The following FHIT variants were observed in gnomAD, a reference collection of about 807,000 sequenced individuals.
FHIT encodes the protein bis(5'-adenosyl)-triphosphatase.
In FHIT, 19 loss-of-function variants were observed where a neutral mutation model predicts 17.9. That is an observed-to-expected ratio of 1.06 (90% CI 0.74 to 1.56). The LOEUF (loss-of-function observed/expected upper bound fraction) is 1.56. FHIT is among the 40% of genes most tolerant of loss of function. FHIT has a pLI of 0.00. For missense variants in FHIT, 248 were observed against 189.2 expected, an observed-to-expected ratio of 1.31 and a Z score of -1.82; for synonymous variants, 81 against 69.7, an observed-to-expected ratio of 1.16 and a Z score of -0.81.
intron 5 of FHIT, among the ~76,000 whole-genome samples, chr3:60,492,615 G>T (rs13087386): frequency 0.03 from 4,565 of 150,318 alleles, 103 homozygotes; most frequent in South Asian, 0.096. Context: ...CAAGCGATTC[G>T]CCTGCCTCAG....
intron 4 of FHIT, among the ~76,000 whole-genome samples, chr3:60,598,499 A>G (rs2038341677): frequency 6.6e-6 from 1 of 152,190 alleles, no homozygotes; most frequent in South Asian, 2.1e-4. Context: ...CCACTGGGCA[A>G]CAAAAATCAC....
intron 5 of FHIT, among the ~76,000 whole-genome samples, chr3:60,340,660 C>G (rs990077657): frequency 9.9e-5 from 15 of 152,116 alleles, no homozygotes; most frequent in African/African-American, 3.6e-4. Flanking sequence ...ATACAGTTGA[C>G]CCTTGAACAA....
chr3:59,809,442 T>C (rs1218671119), intron 8 of FHIT, among the ~76,000 whole-genome samples: 1 of 152,218 alleles, frequency 6.6e-6, no homozygotes, highest in Non-Finnish European at 1.5e-5. Flanking sequence ...CATCTTGAAC[T>C]GGGAGGGAAT....
At chr3:60,745,983 C>T (rs1180139137) in intron 4 of FHIT, among the ~76,000 whole-genome samples, 1 of 152,128 alleles carries the variant, frequency 6.6e-6, no homozygotes, top group Non-Finnish European at 1.5e-5. Context: ...AAAATGCTCA[C>T]CATTCAGCAT....
intron 3 of FHIT, among the ~76,000 whole-genome samples, chr3:60,964,702 G>C (rs1709628829): frequency 6.6e-6 from 1 of 152,160 alleles, no homozygotes; most frequent in Admixed American, 6.5e-5. Flanking sequence ...AGCTTAGTTT[G>C]GCTGGATATG....
At chr3:60,961,882 T>C (rs1220843263) in intron 3 of FHIT, among the ~76,000 whole-genome samples, 1 of 152,218 alleles carries the variant, frequency 6.6e-6, no homozygotes, top group African/African-American at 2.4e-5. Flanking sequence ...AGCTTTGTTC[T>C]TTTGGCTTAG....
intron 4 of FHIT, among the ~76,000 whole-genome samples, chr3:60,747,164 T>TGTGA (rs2042375152): frequency 6.6e-6 from 1 of 152,002 alleles, no homozygotes; most frequent in South Asian, 2.1e-4. Context: ...CCTCTGTGTA[T>TGTGA]GTGAGTATTC....
chr3:60,849,352 A>G (rs1553747576), intron 3 of FHIT, among the ~76,000 whole-genome samples: 2 of 151,434 alleles, frequency 1.3e-5, no homozygotes, highest in Non-Finnish European at 2.9e-5. Flanking sequence ...TTTCCATAGG[A>G]ACAGACTGAA....
At chr3:61,009,752 T>C (rs1300733719) in intron 3 of FHIT, among the ~76,000 whole-genome samples, 1 of 152,014 alleles carries the variant, frequency 6.6e-6, no homozygotes, top group Non-Finnish European at 1.5e-5. Flanking sequence ...GAAAAATACA[T>C]ATCCTGTCTG....
intron 5 of FHIT, among the ~76,000 whole-genome samples, chr3:60,042,856 G>A (rs545153050): frequency 6.6e-6 from 1 of 152,162 alleles, no homozygotes; most frequent in Admixed American, 6.6e-5. Context: ...AATGTCTAAT[G>A]CCCCAAAGTG....
At chr3:60,809,652 G>A (rs1490588341) in intron 4 of FHIT, among the ~76,000 whole-genome samples, 1 of 152,126 alleles carries the variant, frequency 6.6e-6, no homozygotes, top group South Asian at 2.1e-4. Flanking sequence ...CAGATTCCTG[G>A]GCCCTGACCC....
intron 2 of FHIT, among the ~76,000 whole-genome samples, chr3:61,095,931 C>G (rs1424419780): frequency 6.6e-6 from 1 of 152,146 alleles, no homozygotes; most frequent in Non-Finnish European, 1.5e-5. Context: ...GCTCACTTAA[C>G]CTTCTTCTAG....
intron 4 of FHIT, among the ~76,000 whole-genome samples, chr3:60,564,810 T>C (rs936828575): frequency 1.3e-5 from 2 of 152,150 alleles, no homozygotes; most frequent in African/African-American, 4.8e-5. Context: ...GTGAACATTG[T>C]CGAAATGACA....
In FHIT at chr3:60,036,539, T is replaced by C. The variant is rs1465056057; in HGVS notation, c.104-22387A>G. Among the ~76,000 whole-genome samples, 4 of 152,304 alleles carry C rather than the reference T, an allele frequency of 2.6e-5. No homozygotes were observed. In the East Asian group the frequency reaches 5.8e-4, roughly 22 times the overall value. ...ATACGTGGTAAGCAATAAAACTTTA[T>C]TTTTTCTTATTTATATCATAAAGAT... is the stretch of plus-strand genomic sequence containing the variant. On this transcript the variant is annotated intron_variant, in intron 5 of 9. Coordinates refer to ENST00000492590, the MANE Select transcript of FHIT (RefSeq NM_002012.4).
At chr3:60,090,157 G>T (rs752880830) in intron 5 of FHIT, among the ~76,000 whole-genome samples, 21 of 151,858 alleles carry the variant, frequency 1.4e-4, no homozygotes, top group African/African-American at 5.1e-4. Context: ...GTACATCAAT[G>T]GTCTACATGA....
intron 4 of FHIT, among the ~76,000 whole-genome samples, chr3:60,577,959 G>T (rs547911253): frequency 1.4e-4 from 22 of 152,216 alleles, no homozygotes; most frequent in African/African-American, 5.1e-4. Flanking sequence ...ATCACTTTAA[G>T]TTCCTAAAGC....
At chr3:60,890,152 T>C (rs1705435867) in intron 3 of FHIT, among the ~76,000 whole-genome samples, 1 of 150,754 alleles carries the variant, frequency 6.6e-6, no homozygotes, top group African/African-American at 2.5e-5. Context: ...GTGTTCTACT[T>C]CCAGGTAGTC....
intron 3 of FHIT, among the ~76,000 whole-genome samples, chr3:60,865,436 C>T (rs1369851006): frequency 1.3e-5 from 2 of 152,136 alleles, no homozygotes; most frequent in African/African-American, 2.4e-5. Flanking sequence ...AAAAAATGAA[C>T]TACTTATTTA....
chr3:60,480,987 C>G (rs759816601), intron 5 of FHIT, among the ~76,000 whole-genome samples: 2 of 152,192 alleles, frequency 1.3e-5, no homozygotes, highest in Non-Finnish European at 2.9e-5. Context: ...CCCCACATTT[C>G]CCCTTTGTAC....
Sources: gnomAD v4.1 joint callset for allele counts (sites outside exome capture counted in the v4.1 genomes callset) on GRCh38, gnomAD v4.1.1 for gene constraint, MANE v1.5 for transcripts, NCBI Gene and HGNC (gene_info 2026-07-23, HGNC 2026-07-21) for gene names.